The following HMGCS1 variants were observed in gnomAD, a reference collection of about 807,000 sequenced individuals.
HMGCS1 encodes 3-hydroxy-3-methylglutaryl-CoA synthase 1, also known as hydroxymethylglutaryl-CoA synthase, cytoplasmic.
Under a neutral mutation model 52.3 loss-of-function variants are expected in HMGCS1, and 9 were observed. The observed-to-expected ratio is 0.17, with a 90% confidence interval of 0.10 to 0.30. The LOEUF is 0.30. Ranked by LOEUF, HMGCS1 falls within the 10% of genes least tolerant of loss-of-function variation. The probability of loss-of-function intolerance (pLI) is 1.00; values close to 1 mark genes in which losing one functional copy is unlikely to be tolerated. For missense variants in HMGCS1, 320 were observed against 620.9 expected, an observed-to-expected ratio of 0.52 and a Z score of 5.15; for synonymous variants, 176 against 214.4, an observed-to-expected ratio of 0.82 and a Z score of 1.57.
At chr5:43,303,881 C>G (rs1754438481) in intron 2 of HMGCS1, among the ~76,000 whole-genome samples, 1 of 152,308 alleles carries the variant, frequency 6.6e-6, no homozygotes, top group African/African-American at 2.4e-5. Context: ...CTTTTACATT[C>G]CTACTCCATT....
intron 4 of HMGCS1, among the ~76,000 whole-genome samples, chr5:43,297,566 C>T (rs2111665295): frequency 1.3e-5 from 2 of 152,330 alleles, no homozygotes; most frequent in South Asian, 4.1e-4. Flanking sequence ...ACAGGCCAGG[C>T]ATGGTGGCTT....
At chr5:43,299,288 T>C (rs1579649415) in intron 2 of HMGCS1, among the ~76,000 whole-genome samples, 1 of 152,254 alleles carries the variant, frequency 6.6e-6, no homozygotes, top group East Asian at 1.9e-4. Context: ...TAAAGAACTG[T>C]AAGATAAAAT....
chr5:43,313,206 C>G (rs546492054), intron 1 of HMGCS1, 150 bp downstream of exon 1: 1 of 152,554 alleles, frequency 6.6e-6, no homozygotes, highest in Non-Finnish European at 1.5e-5. Flanking sequence ...GCTCACGGTG[C>G]CCCATCCTCC....
At chr5:43,302,991 T>A (rs555303403) in intron 2 of HMGCS1, among the ~76,000 whole-genome samples, 19 of 152,212 alleles carry the variant, frequency 1.2e-4, no homozygotes, top group African/African-American at 4.3e-4. Context: ...GTGTTTTCCA[T>A]CTTATTGAAT....
At chr5:43,301,036 A>G (rs1277374452) in intron 2 of HMGCS1, among the ~76,000 whole-genome samples, 1 of 152,180 alleles carries the variant, frequency 6.6e-6, no homozygotes, top group Non-Finnish European at 1.5e-5. Context: ...ACCACATTAT[A>G]TAATGGAGAA....
intron 5 of HMGCS1, 74 bp from the exon 6 acceptor site, chr5:43,295,991 G>A: frequency 8.9e-7 from 1 of 1,119,540 alleles, no homozygotes; most frequent in Admixed American, 2.0e-5. Context: ...TTAGAATAAA[G>A]CTAGGATATT....
intron 4 of HMGCS1, 52 bp downstream of exon 4, chr5:43,297,957 T>C: frequency 1.3e-6 from 2 of 1,570,522 alleles, no homozygotes; most frequent in Non-Finnish European, 1.7e-6. Flanking sequence ...TATTTTCAAA[T>C]TTCTCAGCAT....
At chr5:43,297,897 A>C in intron 4 of HMGCS1, 112 bp downstream of exon 4, 1 of 824,308 alleles carries the variant, frequency 1.2e-6, no homozygotes, top group Non-Finnish European at 1.9e-6. Flanking sequence ...AGCTCTTAGC[A>C]AGTAGTACCT....
In HMGCS1 at chr5:43,295,825, T is replaced by A; in HGVS notation, c.832A>T (p.Met278Leu). ...TCATTAAGGAAGTCATTCAGCAACA[T>A]CCGAGCTAGAGATTTCTGAACCAGT... is the stretch of plus-strand genomic sequence containing the variant. ...CKLVQKSLAR[M>L]LLNDFLNDQN... Residue 278 changes from methionine (M) to leucine (L), a missense_variant, in exon 6 of 11, where the codon ATG (methionine) becomes TTG (leucine). Around this residue, in one of 3 missense-constraint regions of HMGCS1, gnomAD observed 213 missense variants for 337.4 expected, o/e 0.63. Transcript: ENST00000325110. 1 of 1,613,000 alleles carries A rather than the reference T, an allele frequency of 6.2e-7. No individual in the cohort carries two copies. Among genetic ancestry groups the A allele is most frequent in the East Asian group, 2.2e-5 (1 of 44,812 alleles).
chr5:43,309,255 A>G (rs545629664), intron 1 of HMGCS1, among the ~76,000 whole-genome samples: 450 of 138,238 alleles, frequency 3.3e-3, no homozygotes, highest in Non-Finnish European at 5.4e-3. Context: ...TTTTTTTTTG[A>G]GACAGGGTCT....
rs1753750159 is a variant in HMGCS1, at chr5:43,291,209, G to A, written c.1485C>T (p.Ser495=). ...GGAGTCTTGGTACTTTCTTGGCAGG[G>A]CTTGGAATATGCTAAAATGAAAGGA... ...HSNIATEHIP[S]PAKKVPRLPA... is the part of the protein sequence containing the mutation. Residue 495 remains serine, a synonymous_variant, in exon 11 of 11, where the codon AGC becomes AGT. Transcript: ENST00000325110. 6.2e-7 allele frequency: 1 copy of A among 1,610,528 alleles called. No individual in the cohort carries two copies. Among genetic ancestry groups the A allele is most frequent in the Non-Finnish European group, 8.5e-7 (1 of 1,176,892 alleles).
rs907844219 is a variant in HMGCS1 at position 43,294,095 on chromosome 5, T to A, written c.1144A>T (p.Thr382Ser). ...TGTGTGACTTTAAGAGAGTACAGAG[T>A]GGCAGCCAAACCAGAACCATAAGAA... is the stretch of plus-strand genomic sequence containing the variant. ...VFSYGSGLAA[T>S]LYSLKVTQDA... is the part of the protein sequence containing the mutation. The change falls in exon 8 of 11, where the codon ACT becomes TCT. Residue 382 changes from threonine (T) to serine (S), a missense_variant. This residue lies in a region of HMGCS1 where 213 missense variants were observed against 337.4 expected (regional missense o/e 0.63). Transcript: ENST00000325110. 10 of 1,613,102 alleles carry A rather than the reference T, an allele frequency of 6.2e-6. No homozygotes were observed. Among genetic ancestry groups the A allele is most frequent in the African/African-American group, 2.7e-5 (2 of 75,002 alleles).
At chr5:43,302,058 A>C (rs1032027137) in intron 2 of HMGCS1, among the ~76,000 whole-genome samples, 40 of 152,362 alleles carry the variant, frequency 2.6e-4, no homozygotes, top group African/African-American at 8.9e-4. Context: ...GAGGAAGTGA[A>C]GAGATCAAGC....
rs372643634 is a variant in HMGCS1, at chr5:43,295,961, T to C, written c.740-44A>G. Reference sequence around the variant, plus strand: ...GAAACTATGAAATTCATATAAGCCATGAAATTTTAAAGTTTGACTTTAGAA... The same window carrying C: ...GAAACTATGAAATTCATATAAGCCACGAAATTTTAAAGTTTGACTTTAGAA... On this transcript the variant is annotated intron_variant, in intron 5 of 10. Coordinates refer to ENST00000325110, the MANE Select transcript of HMGCS1 (RefSeq NM_001098272.3). The C allele has an allele frequency of 2.5e-5, 37 of 1,482,852 alleles. No individual in the cohort carries two copies. In the South Asian group the frequency reaches 4.4e-4, roughly 17 times the overall value. 91.9% of individuals were successfully genotyped at this position (1,482,852 alleles called of 1,614,324 possible).
chr5:43,295,242 A>G (rs1753972134), intron 6 of HMGCS1, among the ~76,000 whole-genome samples: 1 of 152,258 alleles, frequency 6.6e-6, no homozygotes. Context: ...ATGGTATTAC[A>G]GGAGCCAAGT....
At chr5:43,291,622 T>A (rs1381911070) in intron 10 of HMGCS1, among the ~76,000 whole-genome samples, 2 of 152,208 alleles carry the variant, frequency 1.3e-5, no homozygotes, top group African/African-American at 4.8e-5. Context: ...AAGTCCTTAG[T>A]TTATAACCTG....
At chr5:43,292,140 G>A (rs749190572) in intron 10 of HMGCS1, among the ~76,000 whole-genome samples, 3 of 151,542 alleles carry the variant, frequency 2.0e-5, no homozygotes, top group Admixed American at 1.3e-4. Flanking sequence ...TTACAGGCAC[G>A]TGCCACCAAG....
chr5:43,293,915 A>C, intron 8 of HMGCS1, 141 bp downstream of exon 8: 1 of 584,382 alleles, frequency 1.7e-6, no homozygotes. Flanking sequence ...GGTTTCAGCC[A>C]TGTTAGCCAG....
intron 2 of HMGCS1, among the ~76,000 whole-genome samples, chr5:43,302,754 G>A (rs1298850830): frequency 1.3e-5 from 2 of 152,202 alleles, no homozygotes; most frequent in Non-Finnish European, 2.9e-5. Context: ...CTAAGCAGCA[G>A]TCAAAGTAGG....
Sources: gnomAD v4.1 joint callset for allele counts (sites outside exome capture counted in the v4.1 genomes callset) on GRCh38, gnomAD v4.1.1 for gene constraint, gnomAD v4.1.1 regional missense constraint, MANE v1.5 for transcripts, NCBI Gene and HGNC (gene_info 2026-07-23, HGNC 2026-07-21) for gene names.